SPOCK3: variants seen among roughly 807,000 people sequenced by gnomAD.
SPOCK3 encodes testican-3.
SPOCK3 carries 30 observed loss-of-function variants against 56.6 expected under a neutral mutation model. The observed-to-expected ratio is 0.53, with a 90% confidence interval of 0.40 to 0.72. The LOEUF is 0.72. Among genes scored for constraint, SPOCK3 ranks in the 30% least tolerant of loss-of-function variants. SPOCK3 has a pLI of 0.00. For synonymous variants in SPOCK3, 196 were observed against 183.3 expected, an observed-to-expected ratio of 1.07 and a Z score of -0.56; for missense variants, 527 against 530.0, an observed-to-expected ratio of 0.99 and a Z score of 0.06.
chr4:166,872,340 C>T (rs1304742816), intron 6 of SPOCK3, among the ~76,000 whole-genome samples: 2 of 152,030 alleles, frequency 1.3e-5, no homozygotes, highest in Non-Finnish European at 2.9e-5. Flanking sequence ...ACAAAAGTCT[C>T]CTGAAATTAA....
intron 2 of SPOCK3, among the ~76,000 whole-genome samples, chr4:167,205,358 A>C (rs1410783708): frequency 5.3e-5 from 2 of 37,762 alleles, no homozygotes; most frequent in Non-Finnish European, 4.1e-5. Flanking sequence ...TATAATATAT[A>C]TATTATATAT....
chr4:167,205,780 T>C (rs1734266107), intron 2 of SPOCK3, among the ~76,000 whole-genome samples: 1 of 147,774 alleles, frequency 6.8e-6, no homozygotes, highest in African/African-American at 2.5e-5. Flanking sequence ...CTGGCTAATT[T>C]ATGCATTTTT....
chr4:166,821,582 A>G (rs564828466), intron 6 of SPOCK3, among the ~76,000 whole-genome samples: 1 of 152,216 alleles, frequency 6.6e-6, no homozygotes, highest in East Asian at 1.9e-4. Context: ...ATATCCATGC[A>G]ATGAAATACT....
At chr4:166,772,769 A>G (rs956953365) in intron 7 of SPOCK3, among the ~76,000 whole-genome samples, 5 of 152,136 alleles carry the variant, frequency 3.3e-5, no homozygotes, top group African/African-American at 1.2e-4. Context: ...CTCTAAGTGT[A>G]GTCATCTTGA....
At chr4:166,744,310 T>C (rs1735272403) in intron 8 of SPOCK3, among the ~76,000 whole-genome samples, 2 of 152,176 alleles carry the variant, frequency 1.3e-5, no homozygotes, top group South Asian at 2.1e-4. Context: ...TTTACTGTTC[T>C]GCAGTCTCCA....
At chr4:167,234,206 G>A (rs750723692) in intron 1 of SPOCK3, 33 bp from the exon 2 acceptor site, 5 of 1,022,426 alleles carry the variant, frequency 4.9e-6, no homozygotes, top group Admixed American at 1.7e-5. Context: ...GGGTGGGGGG[G>A]CATGTCAGTG....
At chr4:167,119,824 A>T in intron 2 of SPOCK3, 2 of 1,534,618 alleles carry the variant, frequency 1.3e-6, no homozygotes, top group South Asian at 2.4e-5. Context: ...TGTGGATGTG[A>T]TCTTGTGTGA....
At chr4:167,207,926 G>T (rs1469785310) in intron 2 of SPOCK3, among the ~76,000 whole-genome samples, 1 of 151,932 alleles carries the variant, frequency 6.6e-6, no homozygotes, top group Non-Finnish European at 1.5e-5. Context: ...GAATTGAGCC[G>T]CAATGCTTTT....
At chr4:166,877,529 GC>G (rs556021547) in intron 6 of SPOCK3, among the ~76,000 whole-genome samples, 234 of 152,202 alleles carry the variant, frequency 1.5e-3, no homozygotes, top group African/African-American at 5.3e-3. Context: ...TAAATCAAGT[GC>G]TATTAAATAC....
At chr4:166,847,681 A>AT (rs1560926812) in intron 6 of SPOCK3, among the ~76,000 whole-genome samples, 3,686 of 90,820 alleles carry the variant, frequency 0.041, 247 homozygotes, top group African/African-American at 0.13. Flanking sequence ...ATATATATAT[A>AT]AGAATCATGT....
At chr4:167,159,247 G>A (rs72699677) in intron 2 of SPOCK3, among the ~76,000 whole-genome samples, 7,472 of 151,926 alleles carry the variant, frequency 0.049, 217 homozygotes, top group South Asian at 0.076. Context: ...ATGGTACCAT[G>A]GTGATTATTA....
chr4:167,009,523 T>C (rs1749809119), intron 3 of SPOCK3, among the ~76,000 whole-genome samples: 2 of 152,164 alleles, frequency 1.3e-5, no homozygotes, highest in Admixed American at 6.6e-5. Context: ...TAACAAAATA[T>C]TGGTGGAAAC....
intron 4 of SPOCK3, among the ~76,000 whole-genome samples, chr4:166,994,997 A>C (rs547428857): frequency 6.6e-6 from 1 of 152,272 alleles, no homozygotes; most frequent in Non-Finnish European, 1.5e-5. Flanking sequence ...ACAATTCTAC[A>C]ATGCTTAGAA....
chr4:167,019,557 A>G (rs1460050323), intron 3 of SPOCK3, among the ~76,000 whole-genome samples: 1 of 151,838 alleles, frequency 6.6e-6, no homozygotes, highest in Non-Finnish European at 1.5e-5. Context: ...TAAATACTAC[A>G]AAGTATGCAG....
chr4:167,233,052 C>CT (rs1169265000), intron 2 of SPOCK3, among the ~76,000 whole-genome samples: 15 of 152,168 alleles, frequency 9.9e-5, no homozygotes. Flanking sequence ...CAGTTCAGGC[C>CT]TTCCGCGTTT....
At chr4:166,949,163 G>A (rs191670670) in intron 4 of SPOCK3, among the ~76,000 whole-genome samples, 118 of 152,100 alleles carry the variant, frequency 7.8e-4, no homozygotes, top group African/African-American at 2.8e-3. Flanking sequence ...CATTCTACAC[G>A]TAGTTCTCGA....
intron 5 of SPOCK3, among the ~76,000 whole-genome samples, chr4:166,905,450 T>C (rs1355354673): frequency 6.6e-6 from 1 of 152,018 alleles, no homozygotes; most frequent in Admixed American, 6.6e-5. Flanking sequence ...GACACTGATA[T>C]TATATGTTCT....
At chr4:166,958,586 A>G (rs1743787915) in intron 4 of SPOCK3, among the ~76,000 whole-genome samples, 3 of 152,160 alleles carry the variant, frequency 2.0e-5, no homozygotes, top group African/African-American at 7.2e-5. Context: ...CTTTTCTCCT[A>G]TTACCTTAAC....
chr4:166,801,541 A>G (rs1038801954), intron 6 of SPOCK3, among the ~76,000 whole-genome samples: 2 of 152,172 alleles, frequency 1.3e-5, no homozygotes, highest in African/African-American at 4.8e-5. Flanking sequence ...ACAAATTATT[A>G]CTGTATCTTA....
Sources: gnomAD v4.1 joint callset for allele counts (sites outside exome capture counted in the v4.1 genomes callset) on GRCh38, gnomAD v4.1.1 for gene constraint, MANE v1.5 for transcripts, NCBI Gene and HGNC (gene_info 2026-07-23, HGNC 2026-07-21) for gene names.